The following RSPH10B2 variants were observed in gnomAD, a reference collection of about 807,000 sequenced individuals.
RSPH10B2 encodes the protein radial spoke head 10 homolog B2 (Chlamydomonas).
In RSPH10B2, 9 loss-of-function variants were observed where a neutral mutation model predicts 49.0. That is an observed-to-expected ratio of 0.18 (90% CI 0.11 to 0.32). The LOEUF is 0.32. Ranked by LOEUF, RSPH10B2 falls within the 10% of genes least tolerant of loss-of-function variation. The pLI is 1.00. For missense variants in RSPH10B2, 95 were observed against 589.9 expected, an observed-to-expected ratio of 0.16 and a Z score of 8.69; for synonymous variants, 35 against 210.2, an observed-to-expected ratio of 0.17 and a Z score of 7.21.
In RSPH10B2 at chr7:6,769,588, C is replaced by CT. The variant is rs1288929803; in HGVS notation, c.957+831dup. ...CTGTTTTGCTAAGGTGATTACATGA[C>CT]TTTTTTTTTCTTTTTTTTGAGACAG... On this transcript the variant is annotated intron_variant, in intron 7 of 18. Transcript: ENST00000297186. Among the ~76,000 whole-genome samples the CT allele has an allele frequency of 7.4e-5, 7 of 94,416 alleles. 1 individual carries two copies. Among genetic ancestry groups the CT allele is most frequent in the African/African-American group, 2.5e-4 (5 of 20,310 alleles). 61.9% of individuals were successfully genotyped at this position (94,416 alleles called of 152,430 possible). A position where few individuals can be genotyped will look rare whatever the true frequency, so the allele number is the denominator to read the frequency against.
At chr7:6,795,975 C>T (rs1445753615) in intron 17 of RSPH10B2, among the ~76,000 whole-genome samples, 1 of 145,186 alleles carries the variant, frequency 6.9e-6, no homozygotes, top group Non-Finnish European at 1.5e-5. Context: ...TTTTTTTATT[C>T]TTGAAACATG....
At chr7:6,776,842 A>G (rs1781755533) in intron 10 of RSPH10B2, among the ~76,000 whole-genome samples, 1 of 99,098 alleles carries the variant, frequency 1.0e-5, no homozygotes, top group Non-Finnish European at 2.0e-5. Flanking sequence ...GTGCCATTGC[A>G]CTCCAGCCTG....
rs189242403 is a variant in RSPH10B2 at position 6,793,341 on chromosome 7, T to C, written c.2233+1344T>C. Among the ~76,000 whole-genome samples, 1,065 of 116,434 alleles carry C rather than the reference T, an allele frequency of 9.1e-3. 282 individuals carry two copies. The highest frequency in any genetic ancestry group is 0.033 in the African/African-American group (975 of 29,144). The allele number at this position is 116,434 out of a possible 152,430, so 76.4% of individuals were successfully genotyped here. On this transcript the variant is annotated intron_variant, in intron 17 of 18. Coordinates refer to ENST00000297186, the Ensembl canonical transcript of RSPH10B2. ...CACTGGGATTACAGGTGTGAGCCAC[T>C]GCGCCTGGCCCTCCCCCTTTTCTGA...
At position 6,796,600 on chromosome 7, in the gene RSPH10B2, G is replaced by T; in HGVS notation, c.2266G>T (p.Glu756Ter). Residue 756 changes from glutamate to a stop codon, truncating the protein, a stop_gained, in exon 18 of 19, where the codon GAA (glutamate) becomes TAA (stop). Transcript: ENST00000297186. LOFTEE classifies it high-confidence loss of function. Reference sequence around the variant, plus strand: ...TGAGAGACCCAAGGATGATCGAGAGGAAGAGTTCAACACGTGGGTCAATAA... The same window carrying T: ...TGAGAGACCCAAGGATGATCGAGAGTAAGAGTTCAACACGTGGGTCAATAA... 1 of 1,207,676 alleles carries T rather than the reference G, an allele frequency of 8.3e-7. No individual in the cohort carries two copies. Among genetic ancestry groups the T allele is most frequent in the East Asian group, 3.2e-5 (1 of 31,238 alleles). The allele number at this position is 1,207,676 out of a possible 1,614,324, so 74.8% of individuals were successfully genotyped here.
chr7:6,756,040 G>A (rs1192111074), upstream of RSPH10B2, among the ~76,000 whole-genome samples: 3 of 150,660 alleles, frequency 2.0e-5, no homozygotes, highest in South Asian at 2.1e-4. Flanking sequence ...AGGCCAAGGC[G>A]GGCAGATCAC....
intron 17 of RSPH10B2, among the ~76,000 whole-genome samples, chr7:6,796,156 C>A (rs1326553557): frequency 1.6e-4 from 21 of 129,372 alleles, no homozygotes; most frequent in African/African-American, 6.0e-4. Context: ...CTCATCTCTA[C>A]TAAAAATACA....
rs1279422558 is a variant in RSPH10B2, at chr7:6,780,538, C to G, written c.1530-271C>G. 2.9e-4 allele frequency among the ~76,000 whole-genome samples: 33 copies of G among 113,920 alleles called. 4 individuals are homozygous for G. Among genetic ancestry groups the G allele is most frequent in the Non-Finnish European group, 4.0e-4 (22 of 55,182 alleles). 74.7% of individuals were successfully genotyped at this position (113,920 alleles called of 152,430 possible). A position where few individuals can be genotyped will look rare whatever the true frequency, so the allele number is the denominator to read the frequency against. On this transcript the variant is annotated intron_variant, in intron 11 of 18. Transcript: ENST00000297186. ...AGCTGGGATTACCGGTGTCTGCCAC[C>G]AAGCCCAGCTAATTTTTTGTATTTT...
At chr7:6,792,323 G>A (rs4724759) in intron 17 of RSPH10B2, among the ~76,000 whole-genome samples, 72 of 96,622 alleles carry the variant, frequency 7.5e-4, no homozygotes, top group South Asian at 3.6e-3. Context: ...GACTCAGTCT[G>A]TTAGGGCAGA....
rs1348234039 is a variant in RSPH10B2 at position 6,781,181 on chromosome 7, C to T, written c.1610-147C>T. ...TGAGCCTGGGGGGCGGAGGTTGCAG[C>T]GAGCCAAGATGGTGCCACTGCACTC... On this transcript the variant is annotated intron_variant, in intron 12 of 18. Coordinates refer to ENST00000297186, the Ensembl canonical transcript of RSPH10B2. The T allele has an allele frequency of 4.1e-5, 27 of 661,672 alleles. 5 individuals are homozygous for T. Among genetic ancestry groups the T allele is most frequent in the Non-Finnish European group, 5.7e-5 (26 of 457,948 alleles). The allele number at this position is 661,672 out of a possible 1,614,324, so 41.0% of individuals were successfully genotyped here. A position where few individuals can be genotyped will look rare whatever the true frequency, so the allele number is the denominator to read the frequency against.
intron 6 of RSPH10B2, among the ~76,000 whole-genome samples, chr7:6,768,173 C>T (rs1437824061): frequency 3.4e-5 from 5 of 146,986 alleles, no homozygotes; most frequent in Non-Finnish European, 6.0e-5. Flanking sequence ...CAGAGTGAGA[C>T]CCTTTCTCAA....
chr7:6,764,542 G>C (rs549620109), intron 4 of RSPH10B2, among the ~76,000 whole-genome samples: 82 of 148,850 alleles, frequency 5.5e-4, no homozygotes, highest in African/African-American at 1.7e-3. Context: ...TGTATTTTTA[G>C]TAGAGATGGG....
intron 17 of RSPH10B2, among the ~76,000 whole-genome samples, chr7:6,795,971 T>A (rs1782539325): frequency 6.8e-6 from 1 of 146,204 alleles, no homozygotes. Context: ...CGAGTTTTTT[T>A]ATTCTTGAAA....
chr7:6,768,275 T>C (rs1430953654), intron 6 of RSPH10B2, among the ~76,000 whole-genome samples: 3 of 152,304 alleles, frequency 2.0e-5, no homozygotes, highest in South Asian at 4.1e-4. Context: ...TGTACACTTA[T>C]CTTCACTTTT....
intron 13 of RSPH10B2, among the ~76,000 whole-genome samples, chr7:6,784,598 C>T (rs1203007900): frequency 4.1e-5 from 4 of 97,596 alleles, no homozygotes; most frequent in Non-Finnish European, 5.7e-5. Flanking sequence ...GACAGTCTTG[C>T]TCTGTCACCC....
rs1423730584 is a variant in RSPH10B2, at chr7:6,757,950, C to A, written c.254+19C>A. 1 of 1,611,820 alleles carries A rather than the reference C, an allele frequency of 6.2e-7. No homozygotes were observed. The highest frequency in any genetic ancestry group is 2.2e-5 in the East Asian group (1 of 44,748). ...TGGAAAGGTGATTTTAATGGGGGTGCCATCGGGTATAACACTGCCAGTCAG... is the reference window on the plus strand; with the variant it reads ...TGGAAAGGTGATTTTAATGGGGGTGACATCGGGTATAACACTGCCAGTCAG... On this transcript the variant is annotated intron_variant, in intron 1 of 18. Transcript: ENST00000297186.
At chr7:6,793,832 A>C (rs1583535424) in intron 17 of RSPH10B2, among the ~76,000 whole-genome samples, 1 of 144,976 alleles carries the variant, frequency 6.9e-6, no homozygotes. Context: ...TGACAGTGAG[A>C]CTCCATATCA....
intron 13 of RSPH10B2, among the ~76,000 whole-genome samples, chr7:6,782,957 A>T (rs1370420399): frequency 7.7e-6 from 1 of 129,228 alleles, no homozygotes; most frequent in Non-Finnish European, 1.6e-5. Flanking sequence ...AGGAATTTTT[A>T]AAAGTTATTA....
chr7:6,770,701 C>G (rs1252334821), intron 7 of RSPH10B2, among the ~76,000 whole-genome samples: 1 of 150,576 alleles, frequency 6.6e-6, no homozygotes, highest in African/African-American at 2.4e-5. Context: ...GTCAGGAGAT[C>G]GAGACCATCC....
intron 13 of RSPH10B2, among the ~76,000 whole-genome samples, chr7:6,783,036 T>C (rs1381241895): frequency 7.8e-6 from 1 of 128,490 alleles, no homozygotes; most frequent in Non-Finnish European, 1.6e-5. Flanking sequence ...TGTTCCATGA[T>C]ACTTTTTTTT....
Sources: gnomAD v4.1 joint callset for allele counts (sites outside exome capture counted in the v4.1 genomes callset) on GRCh38, gnomAD v4.1.1 for gene constraint, MANE v1.5 for transcripts, NCBI Gene and HGNC (gene_info 2026-07-23, HGNC 2026-07-21) for gene names.